KCNJ6: variants seen among roughly 807,000 people sequenced by gnomAD.
KCNJ6 encodes G protein-activated inward rectifier potassium channel 2.
Under a neutral mutation model 34.2 loss-of-function variants are expected in KCNJ6, and 9 were observed. The ratio of observed to expected loss-of-function variants is 0.26; its 90% CI spans 0.16 to 0.46. The LOEUF (loss-of-function observed/expected upper bound fraction) is 0.46, where lower values mean the gene tolerates loss of function less well. KCNJ6 is among the 20% of genes least tolerant of loss of function. The pLI, the probability that KCNJ6 is intolerant of heterozygous loss-of-function variation, is 1.00. For synonymous variants in KCNJ6, 196 were observed against 207.1 expected (o/e 0.95, Z 0.46); for missense variants, 236 against 531.3 (o/e 0.44, Z 5.46).
chr21:37,689,189 A>T (rs753960388), intron 3 of KCNJ6, among the ~76,000 whole-genome samples: 3 of 152,216 alleles, frequency 2.0e-5, no homozygotes, highest in Non-Finnish European at 4.4e-5. Context: ...CAGCTTTTCA[A>T]AAGCAGTCAC....
intron 3 of KCNJ6, among the ~76,000 whole-genome samples, chr21:37,705,170 TGAACTC>T (rs2054713141): frequency 6.6e-6 from 1 of 152,182 alleles, no homozygotes; most frequent in African/African-American, 2.4e-5. Flanking sequence ...GGTGCATTAA[TGAACTC>T]GAATCAATAA....
At chr21:37,857,006 G>A (rs991573869) in intron 1 of KCNJ6, among the ~76,000 whole-genome samples, 23 of 152,162 alleles carry the variant, frequency 1.5e-4, no homozygotes, top group South Asian at 4.1e-4. Context: ...TTGAGGTGCC[G>A]ATACTCCAAT....
chr21:37,816,170 C>T (rs552166588), intron 2 of KCNJ6, among the ~76,000 whole-genome samples: 7 of 152,312 alleles, frequency 4.6e-5, no homozygotes, highest in Admixed American at 3.3e-4. Flanking sequence ...AGTCCAATGC[C>T]TGCCGCCTTT....
chr21:37,842,630 T>C (rs1348271972), intron 1 of KCNJ6, among the ~76,000 whole-genome samples: 2 of 152,198 alleles, frequency 1.3e-5, no homozygotes, highest in Non-Finnish European at 2.9e-5. Flanking sequence ...AGCCTACCAC[T>C]TGGGTTATGT....
chr21:37,771,229 G>A (rs563740003), intron 2 of KCNJ6, among the ~76,000 whole-genome samples: 3 of 152,288 alleles, frequency 2.0e-5, no homozygotes, highest in South Asian at 4.1e-4. Flanking sequence ...ATGCTGCTGT[G>A]AAGGTATTTT....
chr21:37,875,537 G>C (rs995987909), intron 1 of KCNJ6, among the ~76,000 whole-genome samples: 3 of 152,322 alleles, frequency 2.0e-5, no homozygotes, highest in Admixed American at 6.5e-5. Context: ...GGTTCCTCGG[G>C]GTTTAATTGC....
intron 3 of KCNJ6, among the ~76,000 whole-genome samples, chr21:37,657,772 G>C (rs1422984045): frequency 3.9e-5 from 6 of 152,200 alleles, no homozygotes; most frequent in African/African-American, 7.2e-5. Context: ...AGAGAAAGTG[G>C]TAATTTCTCA....
intron 1 of KCNJ6, among the ~76,000 whole-genome samples, chr21:37,844,210 C>T (rs1262855263): frequency 6.6e-6 from 1 of 152,042 alleles, no homozygotes. Context: ...AGGTGCACAC[C>T]AAAACGCCCA....
intron 1 of KCNJ6, among the ~76,000 whole-genome samples, chr21:37,851,243 C>T (rs2055536018): frequency 1.3e-5 from 2 of 152,166 alleles, no homozygotes; most frequent in African/African-American, 4.8e-5. Context: ...AACTCTGCCA[C>T]AGCATTGTCA....
At chr21:37,805,683 G>C (rs2055290226) in intron 2 of KCNJ6, among the ~76,000 whole-genome samples, 1 of 152,146 alleles carries the variant, frequency 6.6e-6, no homozygotes, top group Non-Finnish European at 1.5e-5. Flanking sequence ...AGATTAAGGA[G>C]TGTCTTAATC....
intron 2 of KCNJ6, among the ~76,000 whole-genome samples, chr21:37,796,949 G>A (rs867461158): frequency 0.011 from 1,619 of 150,866 alleles, 25 homozygotes; most frequent in African/African-American, 0.038. Context: ...GCCCGCCACC[G>A]CGCCCGGCTA....
At chr21:37,735,144 C>A (rs750807269) in intron 2 of KCNJ6, among the ~76,000 whole-genome samples, 19 of 152,110 alleles carry the variant, frequency 1.2e-4, no homozygotes, top group South Asian at 2.1e-4. Flanking sequence ...TAGAAAGAGA[C>A]ATGACTCAGT....
rs180829297 is a variant in KCNJ6, at chr21:37,676,118, G to A, written c.946+38093C>T. Among the ~76,000 whole-genome samples, 637 of 152,362 alleles carry A rather than the reference G, an allele frequency of 4.2e-3. 1 individual carries two copies. Among genetic ancestry groups the A allele is most frequent in the Middle Eastern group, 0.017 (5 of 294 alleles). The stretch of plus-strand genomic sequence containing the variant: ...GGAGGGCAGGGCTGAGTGCGGAAAG[G>A]GAGATGGGCAGGCCCATGGCGTGGG... On this transcript the variant is annotated intron_variant, in intron 3 of 3. Transcript: ENST00000609713.
At chr21:37,865,395 T>C (rs570697847) in intron 1 of KCNJ6, among the ~76,000 whole-genome samples, 1 of 152,210 alleles carries the variant, frequency 6.6e-6, no homozygotes, top group Non-Finnish European at 1.5e-5. Flanking sequence ...TGTCCCATCA[T>C]GTCCACCCCC....
chr21:37,823,863 T>G (rs906289603), intron 2 of KCNJ6, among the ~76,000 whole-genome samples: 1 of 7,184 alleles, frequency 1.4e-4, no homozygotes, highest in East Asian at 3.2e-3. Flanking sequence ...ACACAAAGTT[T>G]CAGTCAGACA....
chr21:37,651,734 GGA>G (rs2054434581), intron 3 of KCNJ6, among the ~76,000 whole-genome samples: 1 of 152,216 alleles, frequency 6.6e-6, no homozygotes, highest in Non-Finnish European at 1.5e-5. Flanking sequence ...GGATTGAGAA[GGA>G]GTGTGTGAGT....
At chr21:37,645,002 CA>C (rs1393947702) in intron 3 of KCNJ6, among the ~76,000 whole-genome samples, 4 of 139,330 alleles carry the variant, frequency 2.9e-5, no homozygotes, top group African/African-American at 1.1e-4. Context: ...TCACTGGTTG[CA>C]AGAAAACAGG....
At chr21:37,667,461 TCAGGGG>T in intron 3 of KCNJ6, among the ~76,000 whole-genome samples, 1 of 152,100 alleles carries the variant, frequency 6.6e-6, no homozygotes, top group Admixed American at 6.5e-5. Flanking sequence ...CAATAGGACA[TCAGGGG>T]TAGTAGGCGC....
intron 3 of KCNJ6, among the ~76,000 whole-genome samples, chr21:37,644,541 G>A (rs1164193598): frequency 6.6e-6 from 1 of 152,104 alleles, no homozygotes; most frequent in Non-Finnish European, 1.5e-5. Flanking sequence ...CTTGTTGGAA[G>A]GAAATAGAAC....
Sources: allele counts gnomAD v4.1 joint callset (sites outside exome capture counted in the v4.1 genomes callset), GRCh38; gene constraint gnomAD v4.1.1; transcripts MANE v1.5; gene names NCBI Gene and HGNC (gene_info 2026-07-23, HGNC 2026-07-21).